The following DOCK2 variants were observed in gnomAD, a reference collection of about 807,000 sequenced individuals.
DOCK2 encodes dedicator of cytokinesis 2.
DOCK2 carries 87 observed loss-of-function variants against 248.9 expected under a neutral mutation model. The observed-to-expected ratio is 0.35, with a 90% CI of 0.29 to 0.42. DOCK2 has a LOEUF of 0.42. Ranked by LOEUF, DOCK2 falls within the 10% of genes least tolerant of loss-of-function variation. The pLI is 1.00. For synonymous variants in DOCK2, 805 were observed against 821.6 expected, an observed-to-expected ratio of 0.98 and a Z score of 0.35; for missense variants, 1,747 against 2,300.2, an observed-to-expected ratio of 0.76 and a Z score of 4.92.
At chr5:169,835,403 C>T (rs568203649) in intron 26 of DOCK2, among the ~76,000 whole-genome samples, 93 of 151,806 alleles carry the variant, frequency 6.1e-4, no homozygotes, top group African/African-American at 2.2e-3. Context: ...TACAGGCATG[C>T]GCCATCATGC....
At chr5:169,982,246 G>T (rs1187023695) in intron 27 of DOCK2, among the ~76,000 whole-genome samples, 1 of 152,072 alleles carries the variant, frequency 6.6e-6, no homozygotes, top group Non-Finnish European at 1.5e-5. Context: ...CTAGTGCTTT[G>T]TTTACCAGGT....
At chr5:169,641,951 A>C (rs1757173425) in intron 1 of DOCK2, among the ~76,000 whole-genome samples, 1 of 152,218 alleles carries the variant, frequency 6.6e-6, no homozygotes, top group Admixed American at 6.5e-5. Context: ...TTGCCAGCCT[A>C]ATAATGGGCC....
chr5:169,943,827 C>A (rs947596508), intron 27 of DOCK2, among the ~76,000 whole-genome samples: 1 of 152,164 alleles, frequency 6.6e-6, no homozygotes, highest in Non-Finnish European at 1.5e-5. Context: ...GTGACTCTGA[C>A]GCTCATTAAG....
Position 169,757,548 on chromosome 5 carries a change from A to T in DOCK2, c.2377-2157A>T, listed in dbSNP as rs867297857. ...TATCTTATAATCTACATTTAAAAGA[A>T]TAAAGAATAAATCTCTAGATACAAA... On this transcript the variant is annotated intron_variant, in intron 23 of 51. Coordinates refer to ENST00000520908, the MANE Select transcript of DOCK2 (RefSeq NM_004946.3). Among the ~76,000 whole-genome samples, 53 of 152,344 alleles carry T rather than the reference A, an allele frequency of 3.5e-4. No homozygotes were observed. The Middle Eastern group carries it at 0.01, about 29-fold the overall frequency.
At chr5:169,646,040 C>T (rs980525443) in intron 1 of DOCK2, among the ~76,000 whole-genome samples, 5 of 152,170 alleles carry the variant, frequency 3.3e-5, no homozygotes, top group East Asian at 1.9e-4. Context: ...TGAGCCACCA[C>T]GCCCAGCCTC....
At chr5:169,984,234 C>T (rs1468014533) in intron 28 of DOCK2, among the ~76,000 whole-genome samples, 1 of 152,244 alleles carries the variant, frequency 6.6e-6, no homozygotes, top group Middle Eastern at 3.4e-3. Flanking sequence ...ACCACACTAT[C>T]TCCTCATTAA....
chr5:170,052,154 C>T (rs1255473522), intron 41 of DOCK2, among the ~76,000 whole-genome samples: 1 of 152,186 alleles, frequency 6.6e-6, no homozygotes, highest in Non-Finnish European at 1.5e-5. Flanking sequence ...GCTCAGTCTG[C>T]TGTACTTTAA....
intron 30 of DOCK2, among the ~76,000 whole-genome samples, chr5:170,005,232 T>G (rs1754982384): frequency 6.6e-6 from 1 of 152,106 alleles, no homozygotes; most frequent in African/African-American, 2.4e-5. Context: ...AGTACATTAG[T>G]ATTCACAGTT....
chr5:169,674,237 C>T, intron 5 of DOCK2, 60 bp from the exon 6 acceptor site: 1 of 1,586,978 alleles, frequency 6.3e-7, no homozygotes, highest in Non-Finnish European at 8.6e-7. Flanking sequence ...GCACAGCCTG[C>T]CAAATAGATG....
chr5:169,761,725 A>G, intron 25 of DOCK2, 100 bp downstream of exon 25: 4 of 859,660 alleles, frequency 4.7e-6, no homozygotes, highest in Non-Finnish European at 7.3e-6. Context: ...TCCAGTGACT[A>G]TAACATCTCT....
rs935802437 is a variant in DOCK2, at chr5:169,828,840, C to T, written c.2704-11917C>T. 3.9e-5 allele frequency among the ~76,000 whole-genome samples: 6 copies of T among 152,162 alleles called. 1 individual carries two copies. Among genetic ancestry groups the T allele is most frequent in the Admixed American group, 1.3e-4 (2 of 15,272 alleles). ...TTAAATCCGCTTAATAAAATCATGG[C>T]GATTACTTATTTTGTGACAGGTACT... On this transcript the variant is annotated intron_variant, in intron 26 of 51. Transcript: ENST00000520908.
chr5:169,689,432 C>A (rs1299093166), intron 9 of DOCK2, 99 bp downstream of exon 9: 15 of 1,252,156 alleles, frequency 1.2e-5, no homozygotes, highest in East Asian at 2.4e-5. Context: ...GTGTGGCTGT[C>A]CTGCAGAGCT....
At chr5:169,894,797 A>G (rs899862022) in intron 27 of DOCK2, among the ~76,000 whole-genome samples, 1 of 152,190 alleles carries the variant, frequency 6.6e-6, no homozygotes, top group African/African-American at 2.4e-5. Flanking sequence ...CCCAGGTTAC[A>G]CAGAGACGGG....
At chr5:169,684,419 C>A in intron 8 of DOCK2, 69 bp downstream of exon 8, 1 of 1,554,894 alleles carries the variant, frequency 6.4e-7, no homozygotes, top group South Asian at 1.2e-5. Flanking sequence ...CTTTTCTTTC[C>A]ATCCTCACTT....
chr5:169,802,343 G>A (rs1391762599), intron 25 of DOCK2, among the ~76,000 whole-genome samples: 1 of 152,130 alleles, frequency 6.6e-6, no homozygotes, highest in Non-Finnish European at 1.5e-5. Flanking sequence ...AGTATTTCTA[G>A]TAGAGACAGG....
chr5:169,978,552 T>C (rs1777821446), intron 27 of DOCK2, among the ~76,000 whole-genome samples: 1 of 152,120 alleles, frequency 6.6e-6, no homozygotes, highest in South Asian at 2.1e-4. Flanking sequence ...GGAGTGCTAA[T>C]CTCCTGATCA....
intron 20 of DOCK2, 140 bp from the exon 21 acceptor site, chr5:169,717,244 C>T: frequency 1.5e-6 from 1 of 648,768 alleles, no homozygotes; most frequent in Non-Finnish European, 2.7e-6. Context: ...AAGATGCTAC[C>T]TTAATAAAGA....
At chr5:169,896,095 T>C (rs1020161388) in intron 27 of DOCK2, among the ~76,000 whole-genome samples, 3 of 151,664 alleles carry the variant, frequency 2.0e-5, no homozygotes, top group African/African-American at 7.3e-5. Context: ...CCTGATTGGC[T>C]GCACTGGGGC....
Position 170,009,730 on chromosome 5 carries a change from A to G in DOCK2, c.3232+984A>G, listed in dbSNP as rs1034365468. Among the ~76,000 whole-genome samples, 4 of 152,164 alleles carry G rather than the reference A, an allele frequency of 2.6e-5. No individual in the cohort carries two copies. In the South Asian group the frequency reaches 6.2e-4, roughly 24 times the overall value. ...GACCTCTTATTATCTGCCAGTTCCC[A>G]TGGGTTTTTTAGGCAGCAGTTGCAT... On this transcript the variant is annotated intron_variant, in intron 32 of 51. Transcript: ENST00000520908.
Sources: gnomAD v4.1 joint callset for allele counts (sites outside exome capture counted in the v4.1 genomes callset) on GRCh38, gnomAD v4.1.1 for gene constraint, MANE v1.5 for transcripts, NCBI Gene and HGNC (gene_info 2026-07-23, HGNC 2026-07-21) for gene names.